The following ZFHX3 variants were observed in gnomAD, a reference collection of about 807,000 sequenced individuals.
ZFHX3 encodes zinc finger homeobox 3.
ZFHX3 carries 42 observed loss-of-function variants against 279.1 expected under a neutral mutation model. The ratio of observed to expected loss-of-function variants is 0.15; its 90% CI spans 0.12 to 0.19. The LOEUF is 0.19. ZFHX3 is among the 10% of genes least tolerant of loss of function. ZFHX3 has a pLI of 1.00. For missense variants in ZFHX3, 4,981 were observed against 4,754.0 expected (o/e 1.05, Z -1.40); for synonymous variants, 2,293 against 1,957.8 (o/e 1.17, Z -4.52).
intron 3 of ZFHX3, among the ~76,000 whole-genome samples, chr16:73,441,056 G>A (rs1015270016): frequency 2.6e-5 from 4 of 152,140 alleles, no homozygotes; most frequent in South Asian, 2.1e-4. Context: ...CTGGGAACAC[G>A]TTCATTTTCC....
chr16:73,278,627 C>G (rs898899959), intron 4 of ZFHX3, among the ~76,000 whole-genome samples: 1 of 152,208 alleles, frequency 6.6e-6, no homozygotes, highest in Non-Finnish European at 1.5e-5. Flanking sequence ...TTATCTGTCC[C>G]CACCCACGTT....
chr16:72,953,220 C>T (rs1260029359), intron 2 of ZFHX3, among the ~76,000 whole-genome samples: 1 of 151,612 alleles, frequency 6.6e-6, no homozygotes, highest in Non-Finnish European at 1.5e-5. Context: ...TGTTGTCTGT[C>T]TTCCCATCTC....
chr16:73,876,976 G>A (rs2029968782), intron 1 of ZFHX3, among the ~76,000 whole-genome samples: 1 of 150,860 alleles, frequency 6.6e-6, no homozygotes, highest in Admixed American at 6.6e-5. Context: ...AAAAATCTAT[G>A]ATACGAGTGA....
chr16:73,522,104 G>A (rs825859), intron 2 of ZFHX3, among the ~76,000 whole-genome samples: 107,017 of 152,062 alleles, frequency 0.7, 38,833 homozygotes, highest in East Asian at 0.99. Context: ...TTATTATTCC[G>A]TCAATGAAGT....
At chr16:73,540,118 A>C (rs879883272) in intron 2 of ZFHX3, among the ~76,000 whole-genome samples, 2 of 152,220 alleles carry the variant, frequency 1.3e-5, no homozygotes, top group Non-Finnish European at 2.9e-5. Flanking sequence ...TGTTTCATGA[A>C]GACACATCAT....
At chr16:72,907,387 G>T (rs374522744) in intron 3 of ZFHX3, among the ~76,000 whole-genome samples, 1 of 151,928 alleles carries the variant, frequency 6.6e-6, no homozygotes, top group African/African-American at 2.4e-5. Context: ...TCCCCAAAAT[G>T]AGTGTTCATC....
At chr16:73,806,116 G>T (rs1325681510) in intron 1 of ZFHX3, among the ~76,000 whole-genome samples, 1 of 152,204 alleles carries the variant, frequency 6.6e-6, no homozygotes, top group Non-Finnish European at 1.5e-5. Flanking sequence ...AAAACCATCA[G>T]CTCTTGTAAG....
At chr16:72,838,142 G>A (rs2037244981) in intron 4 of ZFHX3, among the ~76,000 whole-genome samples, 1 of 151,930 alleles carries the variant, frequency 6.6e-6, no homozygotes, top group African/African-American at 2.4e-5. Flanking sequence ...CCCCGTTCCT[G>A]TCCCCCATTA....
chr16:73,261,863 CG>C (rs1258518246), intron 4 of ZFHX3, among the ~76,000 whole-genome samples: 14 of 151,986 alleles, frequency 9.2e-5, no homozygotes, highest in Middle Eastern at 3.4e-3. Context: ...TTAGCAGAGA[CG>C]GGGTTTCTTC....
Position 72,797,233 on chromosome 16 carries a change from C to A in ZFHX3, c.5449G>T (p.Val1817Leu), listed in dbSNP as rs148334947. ...GTCAGTGTCAGTGCCCCACTGGTCACTGGCAAGCTCACCTCGGGGTTAAGC... is the reference window on the plus strand; with the variant it reads ...GTCAGTGTCAGTGCCCCACTGGTCAATGGCAAGCTCACCTCGGGGTTAAGC... ...FQLNPEVSLPVTSGALTLTGT... is the reference protein window; with the variant it reads ...FQLNPEVSLPLTSGALTLTGT... The change falls in exon 9 of 10, where the codon GTG becomes TTG. Residue 1817 changes from valine (V) to leucine (L), a missense_variant. Val to Leu is a conservative substitution (Grantham distance 32, BLOSUM62 1). Around this residue, in one of 7 missense-constraint regions of ZFHX3, gnomAD observed 1,751 missense variants for 1,770.0 expected, o/e 0.99. Transcript: ENST00000268489. The A allele has an allele frequency of 1.5e-3, 2,484 of 1,613,886 alleles. 2 individuals are homozygous for A. The highest frequency in any genetic ancestry group is 1.9e-3 in the Non-Finnish European group (2,279 of 1,179,942).
intron 3 of ZFHX3, among the ~76,000 whole-genome samples, chr16:73,371,688 T>C (rs2016634099): frequency 6.6e-6 from 1 of 152,186 alleles, no homozygotes; most frequent in Non-Finnish European, 1.5e-5. Context: ...GAACAGGAGC[T>C]TTCCTTTATC....
At chr16:73,354,971 G>C (rs1253230887) in intron 3 of ZFHX3, among the ~76,000 whole-genome samples, 1 of 152,214 alleles carries the variant, frequency 6.6e-6, no homozygotes, top group Non-Finnish European at 1.5e-5. Context: ...TCACCAGAAA[G>C]CTCTGCAGTG....
At chr16:72,934,605 G>A (rs1960012826) in intron 3 of ZFHX3, among the ~76,000 whole-genome samples, 1 of 152,084 alleles carries the variant, frequency 6.6e-6, no homozygotes, top group Non-Finnish European at 1.5e-5. Flanking sequence ...ACTCCAGCTT[G>A]CCCCTCCCTC....
intron 2 of ZFHX3, among the ~76,000 whole-genome samples, chr16:72,951,527 G>A (rs777138472): frequency 2.4e-4 from 37 of 152,152 alleles, no homozygotes; most frequent in Non-Finnish European, 2.4e-4. Context: ...CACCCAAAGT[G>A]CTAGAATGAC....
intron 1 of ZFHX3, among the ~76,000 whole-genome samples, chr16:72,969,453 G>A (rs1962002613): frequency 1.3e-5 from 2 of 151,906 alleles, no homozygotes; most frequent in Non-Finnish European, 2.9e-5. Flanking sequence ...GGGAACTTTC[G>A]CAAAGTTCCC....
At chr16:72,972,297 A>C (rs919964282) in intron 1 of ZFHX3, among the ~76,000 whole-genome samples, 1 of 152,124 alleles carries the variant, frequency 6.6e-6, no homozygotes, top group African/African-American at 2.4e-5. Flanking sequence ...AGTTCCTACC[A>C]GTCCACCATC....
chr16:72,871,811 C>CT (rs2038168928), intron 4 of ZFHX3, among the ~76,000 whole-genome samples: 1 of 148,362 alleles, frequency 6.7e-6, no homozygotes, highest in Non-Finnish European at 1.5e-5. Flanking sequence ...ATTGGCTGGG[C>CT]GCGGTGGCTC....
intron 2 of ZFHX3, among the ~76,000 whole-genome samples, chr16:73,625,134 G>C (rs909440931): frequency 2.6e-5 from 4 of 152,202 alleles, no homozygotes; most frequent in Non-Finnish European, 4.4e-5. Context: ...ATGTGGAACT[G>C]TGCAAGAAAC....
At chr16:73,150,990 G>A (rs1966926942) in intron 5 of ZFHX3, among the ~76,000 whole-genome samples, 1 of 152,044 alleles carries the variant, frequency 6.6e-6, no homozygotes, top group Non-Finnish European at 1.5e-5. Flanking sequence ...ACACAGAATG[G>A]GCAATATTAT....
Sources: gnomAD v4.1 joint callset for allele counts (sites outside exome capture counted in the v4.1 genomes callset) on GRCh38, gnomAD v4.1.1 for gene constraint, gnomAD v4.1.1 regional missense constraint, MANE v1.5 for transcripts, NCBI Gene and HGNC (gene_info 2026-07-23, HGNC 2026-07-21) for gene names.